The following WARS1 variants were observed in gnomAD, a reference collection of about 807,000 sequenced individuals.
WARS1 encodes tryptophan--tRNA ligase, cytoplasmic.
Under a neutral mutation model 47.8 loss-of-function variants are expected in WARS1, and 17 were observed. That is an observed-to-expected ratio of 0.36 (90% confidence interval 0.24 to 0.53). The LOEUF (loss-of-function observed/expected upper bound fraction) is 0.53, where lower values mean the gene tolerates loss of function less well. Among genes scored for constraint, WARS1 ranks in the 20% least tolerant of loss-of-function variants. The pLI, the probability that WARS1 is intolerant of heterozygous loss-of-function variation, is 0.91. For synonymous variants in WARS1, 208 were observed against 228.1 expected, an observed-to-expected ratio of 0.91 and a Z score of 0.79; for missense variants, 434 against 608.0, an observed-to-expected ratio of 0.71 and a Z score of 3.01.
intron 10 of WARS1, chr14:100,336,822 A>C (rs1304156466): frequency 2.4e-5 from 11 of 456,414 alleles, no homozygotes; most frequent in Non-Finnish European, 3.9e-5. Flanking sequence ...CTAATAAAGC[A>C]AGACTGTTTT....
intron 2 of WARS1, among the ~76,000 whole-genome samples, chr14:100,366,346 A>G (rs1024291251): frequency 1.2e-4 from 19 of 152,214 alleles, no homozygotes; most frequent in African/African-American, 4.6e-4. Context: ...ACAAAAGGGG[A>G]GCAGCCTGGT....
chr14:100,368,976 T>G, intron 2 of WARS1, 111 bp downstream of exon 2: 1 of 715,172 alleles, frequency 1.4e-6, no homozygotes, highest in Non-Finnish European at 2.0e-6. Context: ...AATAAAAAAT[T>G]ATAACCAAAA....
intron 9 of WARS1, chr14:100,342,156 GA>G (rs5810992): frequency 1.9e-6 from 1 of 513,494 alleles, no homozygotes; most frequent in Non-Finnish European, 3.6e-6. Context: ...AGGAAAAAAA[GA>G]AAAAAAATTC....
At chr14:100,338,841 T>C (rs1893928417) in intron 9 of WARS1, among the ~76,000 whole-genome samples, 1 of 151,594 alleles carries the variant, frequency 6.6e-6, no homozygotes. Flanking sequence ...GTGCAGTGGC[T>C]CACACCTGTA....
intron 9 of WARS1, among the ~76,000 whole-genome samples, chr14:100,339,327 C>A (rs939799740): frequency 2.0e-5 from 3 of 152,120 alleles, no homozygotes; most frequent in South Asian, 2.1e-4. Flanking sequence ...CGCAGTGGCT[C>A]ACGCCTGTAA....
At chr14:100,359,407 A>C (rs1895522994) in intron 4 of WARS1, among the ~76,000 whole-genome samples, 1 of 152,258 alleles carries the variant, frequency 6.6e-6, no homozygotes, top group Non-Finnish European at 1.5e-5. Context: ...AAGTAAAAGA[A>C]GCCAGACACA....
At chr14:100,354,053 A>C in intron 5 of WARS1, 184 bp from the exon 6 acceptor site, 1 of 611,564 alleles carries the variant, frequency 1.6e-6, no homozygotes, top group South Asian at 2.0e-5. Context: ...CCATTTATCG[A>C]CCAGGTGGCC....
Position 100,354,449 on chromosome 14 carries a change from T to C in WARS1, c.540A>G (p.Thr180=). The stretch of plus-strand genomic sequence containing the variant: ...AAGCCATAAGATCCAATACTTACTT[T>C]GTGAAAATAAATGGAATGAGGTGAC... ...HVGHLIPFIF[T]KWLQDVFNVP... The change falls in exon 5 of 11, where the codon ACA becomes ACG. Residue 180 remains threonine (T), a splice_region_variant and synonymous_variant. Transcript: ENST00000392882. 6.2e-7 allele frequency: 1 copy of C among 1,613,188 alleles called. No individual in the cohort carries two copies. Among genetic ancestry groups the C allele is most frequent in the East Asian group, 2.2e-5 (1 of 44,882 alleles).
chr14:100,341,065 C>T (rs1487552077), intron 9 of WARS1, among the ~76,000 whole-genome samples: 2 of 151,942 alleles, frequency 1.3e-5, no homozygotes, highest in Non-Finnish European at 2.9e-5. Flanking sequence ...TAGGTGCCTG[C>T]CACCAAGCCT....
At chr14:100,368,503 A>G (rs1468465894) in intron 2 of WARS1, 1 of 455,908 alleles carries the variant, frequency 2.2e-6, no homozygotes, top group African/African-American at 2.0e-5. Context: ...TAAGCAGAAT[A>G]TTTACAGATA....
chr14:100,361,247 A>G (rs188337267), intron 3 of WARS1, among the ~76,000 whole-genome samples: 1 of 152,330 alleles, frequency 6.6e-6, no homozygotes, highest in Admixed American at 6.5e-5. Flanking sequence ...GTCTTTCCTG[A>G]GCAGGAAGGC....
chr14:100,366,515 A>C, intron 2 of WARS1: 1 of 470,680 alleles, frequency 2.1e-6, no homozygotes, highest in South Asian at 2.3e-5. Flanking sequence ...AAAACAAATT[A>C]AGATGGAAGA....
chr14:100,346,365 C>A (rs1209589237), intron 7 of WARS1, among the ~76,000 whole-genome samples: 1 of 152,190 alleles, frequency 6.6e-6, no homozygotes, highest in Non-Finnish European at 1.5e-5. Flanking sequence ...GGGCAGCAGA[C>A]CCAGCTGTCC....
chr14:100,341,790 C>T (rs910125839), intron 9 of WARS1, among the ~76,000 whole-genome samples: 1 of 152,230 alleles, frequency 6.6e-6, no homozygotes, highest in Non-Finnish European at 1.5e-5. Context: ...CGTTCTATGT[C>T]TCTCAGTGAG....
chr14:100,347,326 G>T (rs1472673197), intron 6 of WARS1, among the ~76,000 whole-genome samples: 1 of 152,172 alleles, frequency 6.6e-6, no homozygotes, highest in African/African-American at 2.4e-5. Flanking sequence ...AGGAAGGCCT[G>T]TTTCAGTGCA....
intron 2 of WARS1, chr14:100,365,915 C>T (rs724392): frequency 0.26 from 110,405 of 424,470 alleles, 17,806 homozygotes; most frequent in East Asian, 0.54. Flanking sequence ...GTTACGGAAT[C>T]ACCCAAAGGT....
intron 4 of WARS1, among the ~76,000 whole-genome samples, chr14:100,355,520 C>T (rs557872517): frequency 2.6e-5 from 4 of 152,036 alleles, no homozygotes; most frequent in Non-Finnish European, 4.4e-5. Flanking sequence ...TGCGCCTGGC[C>T]GGGAATTTGT....
At chr14:100,352,147 T>A (rs1895035023) in intron 6 of WARS1, among the ~76,000 whole-genome samples, 1 of 126,566 alleles carries the variant, frequency 7.9e-6, no homozygotes, top group African/African-American at 2.9e-5. Flanking sequence ...AGTCTCACTC[T>A]GTTGCCCAGG....
intron 2 of WARS1, among the ~76,000 whole-genome samples, chr14:100,363,419 GGTGCA>G (rs960955704): frequency 6.6e-6 from 1 of 152,076 alleles, no homozygotes; most frequent in African/African-American, 2.4e-5. Flanking sequence ...ATGTTAGCTG[GGTGCA>G]GTGGCTCACA....
Sources: gnomAD v4.1 joint callset for allele counts (sites outside exome capture counted in the v4.1 genomes callset) on GRCh38, gnomAD v4.1.1 for gene constraint, MANE v1.5 for transcripts, NCBI Gene and HGNC (gene_info 2026-07-23, HGNC 2026-07-21) for gene names.